IKZF1: variants seen among roughly 807,000 people sequenced by gnomAD.
IKZF1 encodes the protein DNA-binding protein Ikaros.
In IKZF1, 10 loss-of-function variants were observed where a neutral mutation model predicts 51.7. The observed-to-expected ratio is 0.19, with a 90% CI of 0.12 to 0.33. The LOEUF (loss-of-function observed/expected upper bound fraction) is 0.33, where lower values mean the gene tolerates loss of function less well. IKZF1 is among the 10% of genes least tolerant of loss of function. IKZF1 has a pLI of 1.00. For synonymous variants in IKZF1, 280 were observed against 282.3 expected, an observed-to-expected ratio of 0.99 and a Z score of 0.08; for missense variants, 484 against 707.5, an observed-to-expected ratio of 0.68 and a Z score of 3.58.
intron 7 of IKZF1, among the ~76,000 whole-genome samples, chr7:50,392,596 G>C (rs1252368572): frequency 6.6e-6 from 1 of 152,108 alleles, no homozygotes; most frequent in Non-Finnish European, 1.5e-5. Flanking sequence ...TAGTAAAATG[G>C]CTCTGCCCCT....
Position 50,312,400 on chromosome 7 carries a change from T to C in IKZF1, c.-14-6648T>C, listed in dbSNP as rs537040962. On this transcript the variant is annotated intron_variant, in intron 1 of 7. Transcript: ENST00000331340. The stretch of plus-strand genomic sequence containing the variant: ...CTATGAGAGGGTAGAGACAATACAA[T>C]ATGCCTGTAACGTCAGGACAGACAG... 3.3e-5 allele frequency among the ~76,000 whole-genome samples: 5 copies of C among 152,302 alleles called. No homozygotes were observed. In the East Asian group the frequency reaches 5.8e-4, roughly 18 times the overall value.
chr7:50,404,945 T>C lies in IKZF1; in HGVS notation c.*4318T>C, dbSNP rs150637828. ...GAGTGGGGTAAATTTAAAAGTCAAG[T>C]TATAGTTTGGATGTTAGTATAGAAT... On this transcript the variant is annotated 3_prime_UTR_variant, in exon 8 of 8. Coordinates refer to ENST00000331340, the MANE Select transcript of IKZF1 (RefSeq NM_006060.6). 600 of 211,226 alleles carry C rather than the reference T, an allele frequency of 2.8e-3. 4 individuals are homozygous for C. The highest frequency in any genetic ancestry group is 4.8e-3 in the Non-Finnish European group (504 of 104,198). 13.1% of individuals were successfully genotyped at this position (211,226 alleles called of 1,614,324 possible).
chr7:50,339,274 G>C (rs1798519779), intron 3 of IKZF1, among the ~76,000 whole-genome samples: 1 of 149,464 alleles, frequency 6.7e-6, no homozygotes. Context: ...AGGAGGAGCT[G>C]GGAAAGGGTG....
At position 50,358,900 on chromosome 7, in the gene IKZF1, C is replaced by T. The variant is rs181026438; in HGVS notation, c.161-17633C>T. ...ACATAAGTTTACATGAAACGTTAAACGGCTTAAAGTAGCCACATCTCCTTC... is the reference window on the plus strand; with the variant it reads ...ACATAAGTTTACATGAAACGTTAAATGGCTTAAAGTAGCCACATCTCCTTC... On this transcript the variant is annotated intron_variant, in intron 3 of 7. Transcript: ENST00000331340. 1.8e-4 allele frequency among the ~76,000 whole-genome samples: 27 copies of T among 151,934 alleles called. No homozygotes were observed. In the East Asian group the frequency reaches 3.5e-3, roughly 20 times the overall value.
rs143656325 is a variant in IKZF1 at position 50,383,177 on chromosome 7, C to T, written c.589+470C>T. ...GCTGGTAGAGAAGGGTGATTTAGGG[C>T]GCACCCACCCAGACTGAGCCCCGTG... On this transcript the variant is annotated intron_variant, in intron 5 of 7. Coordinates refer to ENST00000331340, the MANE Select transcript of IKZF1 (RefSeq NM_006060.6). 1.7e-3 allele frequency among the ~76,000 whole-genome samples: 266 copies of T among 152,238 alleles called. 2 individuals carry two copies. The highest frequency in any genetic ancestry group is 6.0e-3 in the African/African-American group (249 of 41,532).
At chr7:50,382,447 C>T (rs1812100785) in intron 4 of IKZF1, 93 bp from the exon 5 acceptor site, 10 of 1,458,628 alleles carry the variant, frequency 6.9e-6, no homozygotes, top group Non-Finnish European at 7.3e-6. Context: ...GTGGAAGTCA[C>T]CAGGCCCCCG....
At chr7:50,352,896 A>C (rs926229912) in intron 3 of IKZF1, among the ~76,000 whole-genome samples, 1 of 152,280 alleles carries the variant, frequency 6.6e-6, no homozygotes, top group Non-Finnish European at 1.5e-5. Context: ...TTATCCTTGC[A>C]TAAGGTAAGA....
intron 3 of IKZF1, among the ~76,000 whole-genome samples, chr7:50,344,323 G>A (rs1270719691): frequency 6.6e-6 from 1 of 152,134 alleles, no homozygotes; most frequent in African/African-American, 2.4e-5. Flanking sequence ...ACATGTAGAT[G>A]ACCCAGGCCA....
chr7:50,307,020 AG>A (rs1788979959), intron 1 of IKZF1, among the ~76,000 whole-genome samples: 1 of 152,236 alleles, frequency 6.6e-6, no homozygotes, highest in Non-Finnish European at 1.5e-5. Context: ...GCATGCACAC[AG>A]CGTGGAGTGA....
chr7:50,364,578 A>G (rs920640042), intron 3 of IKZF1, among the ~76,000 whole-genome samples: 1 of 152,262 alleles, frequency 6.6e-6, no homozygotes. Context: ...ACTGCTTCTT[A>G]TGACAAGCAA....
In IKZF1 at chr7:50,323,097, T is replaced by C. The variant is rs148782436; in HGVS notation, c.40+3996T>C. Among the ~76,000 whole-genome samples the C allele has an allele frequency of 2.2e-3, 342 of 152,360 alleles. 3 individuals are homozygous for C. Among genetic ancestry groups the C allele is most frequent in the African/African-American group, 8.0e-3 (331 of 41,578 alleles). On this transcript the variant is annotated intron_variant, in intron 2 of 7. Coordinates refer to ENST00000331340, the MANE Select transcript of IKZF1 (RefSeq NM_006060.6). Reference sequence around the variant, plus strand: ...GTGTCAATGGGAATATTTTATCAAGTTAAGCATAGTAAATCACATTGATTA... The same window carrying C: ...GTGTCAATGGGAATATTTTATCAAGCTAAGCATAGTAAATCACATTGATTA...
intron 3 of IKZF1, among the ~76,000 whole-genome samples, chr7:50,365,035 G>A (rs1381652340): frequency 6.6e-6 from 1 of 152,204 alleles, no homozygotes; most frequent in African/African-American, 2.4e-5. Flanking sequence ...ACTTATGTGT[G>A]TCCCTGTATG....
At chr7:50,340,814 A>T (rs1193616408) in intron 3 of IKZF1, among the ~76,000 whole-genome samples, 1 of 152,226 alleles carries the variant, frequency 6.6e-6, no homozygotes, top group East Asian at 1.9e-4. Context: ...AGTAATCCTT[A>T]GTGAAATTAT....
chr7:50,311,444 A>G (rs1790152904), intron 1 of IKZF1, among the ~76,000 whole-genome samples: 1 of 152,188 alleles, frequency 6.6e-6, no homozygotes, highest in Non-Finnish European at 1.5e-5. Flanking sequence ...AGTACCTAGG[A>G]ATGTGTCCTC....
Position 50,310,517 on chromosome 7 carries a change from C to T in IKZF1, c.-15+5595C>T, listed in dbSNP as rs555964666. The stretch of plus-strand genomic sequence containing the variant: ...AGGTTTTACTGATGAGCCCCCTCCC[C>T]CTGGGTTTGCATGAAGAGATCATAG... On this transcript the variant is annotated intron_variant, in intron 1 of 7. Coordinates refer to ENST00000331340, the MANE Select transcript of IKZF1 (RefSeq NM_006060.6). Among the ~76,000 whole-genome samples, 10 of 152,236 alleles carry T rather than the reference C, an allele frequency of 6.6e-5. No individual in the cohort carries two copies. The East Asian group carries it at 1.5e-3, about 24-fold the overall frequency.
rs901028611 is a variant in IKZF1, at chr7:50,304,861, C to T, written c.-76C>T. On this transcript the variant is annotated 5_prime_UTR_variant, in exon 1 of 8. Transcript: ENST00000331340. ...TGGCAGGGCAGAGGGAGCCCCGGCT[C>T]CGAGGTTGCTCTTCGCACCCGAGGA... 4 of 152,648 alleles carry T rather than the reference C, an allele frequency of 2.6e-5. No homozygotes were observed. Among genetic ancestry groups the T allele is most frequent in the Non-Finnish European group, 1.5e-5 (1 of 68,018 alleles). The allele number at this position is 152,648 out of a possible 1,614,324, so 9.5% of individuals were successfully genotyped here.
At chr7:50,310,949 A>G (rs1790020423) in intron 1 of IKZF1, among the ~76,000 whole-genome samples, 1 of 152,256 alleles carries the variant, frequency 6.6e-6, no homozygotes. Flanking sequence ...AAAGCTACTA[A>G]GAGACCAAAC....
In IKZF1 at chr7:50,389,571, T is replaced by A. The variant is rs1165715869; in HGVS notation, c.715+2101T>A. Reference sequence around the variant, plus strand: ...GCAGCAGACAAAGCCAGGCTCGCACTTAATTACATTGAATTATTTCTGTCT... The same window carrying A: ...GCAGCAGACAAAGCCAGGCTCGCACATAATTACATTGAATTATTTCTGTCT... On this transcript the variant is annotated intron_variant, in intron 6 of 7. Transcript: ENST00000331340. Among the ~76,000 whole-genome samples, 4 of 152,366 alleles carry A rather than the reference T, an allele frequency of 2.6e-5. No homozygotes were observed. In the East Asian group the frequency reaches 7.7e-4, roughly 29 times the overall value.
rs145086785 is a variant in IKZF1 at position 50,307,458 on chromosome 7, T to C, written c.-15+2536T>C. Among the ~76,000 whole-genome samples the C allele has an allele frequency of 2.6e-3, 396 of 152,332 alleles. 3 individuals are homozygous for C. Among genetic ancestry groups the C allele is most frequent in the African/African-American group, 9.3e-3 (385 of 41,576 alleles). On this transcript the variant is annotated intron_variant, in intron 1 of 7. Transcript: ENST00000331340. ...CTGTTTCTAAGACTGACAAGCACTC[T>C]GGGGGCACTGTGACGCCTGCTTCTA...
Sources: gnomAD v4.1 joint callset for allele counts (sites outside exome capture counted in the v4.1 genomes callset) on GRCh38, gnomAD v4.1.1 for gene constraint, MANE v1.5 for transcripts, NCBI Gene and HGNC (gene_info 2026-07-23, HGNC 2026-07-21) for gene names.